The following TRERF1 variants were observed in gnomAD, a reference collection of about 807,000 sequenced individuals.
TRERF1 encodes transcriptional regulating factor 1.
Under a neutral mutation model 122.9 loss-of-function variants are expected in TRERF1, and 27 were observed. That is an observed-to-expected ratio of 0.22 (90% CI 0.16 to 0.30). TRERF1 has a LOEUF of 0.30. Ranked by LOEUF, TRERF1 falls within the 10% of genes least tolerant of loss-of-function variation. The pLI is 1.00. For missense variants in TRERF1, 1,248 were observed against 1,560.3 expected, an observed-to-expected ratio of 0.80 and a Z score of 3.37; for synonymous variants, 636 against 641.7, an observed-to-expected ratio of 0.99 and a Z score of 0.13.
At chr6:42,370,654 A>G (rs1245211058) in intron 2 of TRERF1, among the ~76,000 whole-genome samples, 1 of 152,212 alleles carries the variant, frequency 6.6e-6, no homozygotes, top group Non-Finnish European at 1.5e-5. Flanking sequence ...TTTCTGTAAA[A>G]TGAAGGGTCT....
At chr6:42,345,833 T>A (rs1268456425) in intron 3 of TRERF1, among the ~76,000 whole-genome samples, 1 of 152,214 alleles carries the variant, frequency 6.6e-6, no homozygotes, top group East Asian at 1.9e-4. Flanking sequence ...ATATTCTGTA[T>A]ACAGGTGCCC....
At chr6:42,273,611 A>G (rs1341529473) in intron 4 of TRERF1, among the ~76,000 whole-genome samples, 2 of 152,242 alleles carry the variant, frequency 1.3e-5, no homozygotes, top group Non-Finnish European at 1.5e-5. Flanking sequence ...AGTCAGGTGC[A>G]GGAGTTCATG....
intron 4 of TRERF1, among the ~76,000 whole-genome samples, chr6:42,294,006 G>T (rs1324217421): frequency 6.6e-6 from 1 of 152,046 alleles, no homozygotes; most frequent in Non-Finnish European, 1.5e-5. Context: ...AGATACTAGG[G>T]TTTCCCACCA....
intron 2 of TRERF1, among the ~76,000 whole-genome samples, chr6:42,431,790 G>A (rs547274400): frequency 6.6e-6 from 1 of 151,708 alleles, no homozygotes; most frequent in South Asian, 2.1e-4. Flanking sequence ...AAGCTATAAA[G>A]TGAGCCGCCA....
Position 42,317,040 on chromosome 6 carries a change from C to T in TRERF1, c.-370-16291G>A, listed in dbSNP as rs1480508083. The stretch of plus-strand genomic sequence containing the variant: ...GACTCATGACAACCTGTCCTGTGGC[C>T]CCCTAATGTAGAGGCTGACTCAGCA... On this transcript the variant is annotated intron_variant, in intron 3 of 17. Coordinates refer to ENST00000372922, the Ensembl canonical transcript of TRERF1. 2.0e-5 allele frequency among the ~76,000 whole-genome samples: 3 copies of T among 152,106 alleles called. No homozygotes were observed. In the East Asian group the frequency reaches 5.8e-4, roughly 29 times the overall value.
At chr6:42,264,907 AC>A in intron 6 of TRERF1, 53 bp from the exon 7 acceptor site, 1 of 1,596,132 alleles carries the variant, frequency 6.3e-7, no homozygotes, top group South Asian at 1.1e-5. Flanking sequence ...GGAAGGGGAA[AC>A]AGTGACTTGC....
chr6:42,270,884 T>C (rs1780100768), intron 4 of TRERF1, among the ~76,000 whole-genome samples: 1 of 149,504 alleles, frequency 6.7e-6, no homozygotes, highest in Non-Finnish European at 1.5e-5. Context: ...GCGATTCTCC[T>C]ACCTCAGCCT....
intron 3 of TRERF1, among the ~76,000 whole-genome samples, chr6:42,331,550 C>T (rs888130901): frequency 9.9e-5 from 15 of 152,202 alleles, no homozygotes; most frequent in African/African-American, 2.7e-4. Flanking sequence ...GATCGCCCAC[C>T]GGATAACCAC....
chr6:42,286,177 C>T, intron 4 of TRERF1, among the ~76,000 whole-genome samples: 1 of 146,768 alleles, frequency 6.8e-6, no homozygotes. Context: ...AGACCTAAAA[C>T]CATAAAAACC....
At chr6:42,433,855 C>CA (rs1000414918) in intron 2 of TRERF1, among the ~76,000 whole-genome samples, 100 of 150,072 alleles carry the variant, frequency 6.7e-4, no homozygotes, top group African/African-American at 2.1e-3. Context: ...CCCATCTCTA[C>CA]AAAAAAAAAA....
intron 2 of TRERF1, among the ~76,000 whole-genome samples, chr6:42,434,381 T>TAA (rs3997674): frequency 0.091 from 12,421 of 137,202 alleles, 654 homozygotes; most frequent in African/African-American, 0.16. Context: ...GTAAAATTGC[T>TAA]AAAAAAAAAA....
chr6:42,283,065 A>C (rs75144608), intron 4 of TRERF1, among the ~76,000 whole-genome samples: 265 of 152,342 alleles, frequency 1.7e-3, no homozygotes, highest in African/African-American at 6.1e-3. Context: ...TCTCGTGCTG[A>C]GAACAGTAGG....
In TRERF1 at chr6:42,439,956, C is replaced by T. The variant is rs572216093; in HGVS notation, c.-454+11221G>A. Among the ~76,000 whole-genome samples the T allele has an allele frequency of 2.6e-5, 4 of 152,258 alleles. No individual in the cohort carries two copies. In the East Asian group the frequency reaches 7.7e-4, roughly 29 times the overall value. ...ACGGTCCTTCACTAGACTCTGAGCT[C>T]CTCTTATTTGTCCTGGCATTTCCAG... On this transcript the variant is annotated intron_variant, in intron 2 of 17. Transcript: ENST00000372922.
At chr6:42,389,643 GC>G (rs1777376670) in intron 2 of TRERF1, among the ~76,000 whole-genome samples, 1 of 152,202 alleles carries the variant, frequency 6.6e-6, no homozygotes, top group South Asian at 2.1e-4. Context: ...CATTGATTAA[GC>G]ACCTATAATG....
chr6:42,277,415 T>C (rs1245347904), intron 4 of TRERF1, among the ~76,000 whole-genome samples: 1 of 152,160 alleles, frequency 6.6e-6, no homozygotes, highest in Non-Finnish European at 1.5e-5. Flanking sequence ...TGACATTCTT[T>C]GGGGTCTTTT....
chr6:42,312,693 C>A (rs1761883515), intron 3 of TRERF1, among the ~76,000 whole-genome samples: 2 of 152,142 alleles, frequency 1.3e-5, no homozygotes, highest in Non-Finnish European at 2.9e-5. Context: ...GTACTCACAT[C>A]CAGGTAATTT....
chr6:42,345,112 G>T (rs1049241072), intron 3 of TRERF1, among the ~76,000 whole-genome samples: 1 of 152,196 alleles, frequency 6.6e-6, no homozygotes, highest in African/African-American at 2.4e-5. Context: ...TTTCATCTCT[G>T]TAAATGCATT....
chr6:42,377,680 T>C (rs959275569), intron 2 of TRERF1, among the ~76,000 whole-genome samples: 5 of 152,230 alleles, frequency 3.3e-5, no homozygotes, highest in Non-Finnish European at 7.3e-5. Flanking sequence ...TCATGGGCAC[T>C]GTCCAAACCC....
intron 2 of TRERF1, among the ~76,000 whole-genome samples, chr6:42,367,416 C>T (rs371571803): frequency 2.0e-5 from 3 of 152,176 alleles, no homozygotes; most frequent in East Asian, 1.9e-4. Flanking sequence ...CACAAAGCTC[C>T]GAGCCTCTGA....
Sources: allele counts gnomAD v4.1 joint callset (sites outside exome capture counted in the v4.1 genomes callset), GRCh38; gene constraint gnomAD v4.1.1; transcripts MANE v1.5; gene names NCBI Gene and HGNC (gene_info 2026-07-23, HGNC 2026-07-21).